GCSAML: variants seen among roughly 807,000 people sequenced by gnomAD.
The protein encoded by GCSAML is germinal center associated signaling and motility like, also known as germinal center-associated signaling and motility-like protein.
Under a neutral mutation model 13.0 loss-of-function variants are expected in GCSAML, and 9 were observed. That is an observed-to-expected ratio of 0.69 (90% CI 0.42 to 1.21). GCSAML has a LOEUF of 1.21. GCSAML is among the 50% of genes most tolerant of loss of function. GCSAML has a pLI of 0.00. For missense variants in GCSAML, 143 were observed against 153.4 expected (o/e 0.93, Z 0.36); for synonymous variants, 37 against 52.9 (o/e 0.70, Z 1.31).
At chr1:247,545,581 G>A (rs1424603715), upstream of GCSAML, among the ~76,000 whole-genome samples, 2 of 152,118 alleles carry the variant, frequency 1.3e-5, no homozygotes, top group East Asian at 1.9e-4. Context: ...ATCCTAACAG[G>A]TATGAGAGCC....
chr1:247,535,512 A>G (rs1264391828), intron 2 of GCSAML, among the ~76,000 whole-genome samples: 2 of 152,218 alleles, frequency 1.3e-5, no homozygotes, highest in South Asian at 4.1e-4. Flanking sequence ...GGTTAAACTG[A>G]CAACTGCATT....
rs145510242 is a variant in GCSAML, at chr1:247,524,692, G to C, written c.-262-2248G>C. 11 of 152,218 alleles carry C rather than the reference G, an allele frequency of 7.2e-5. No individual in the cohort carries two copies. In the East Asian group the frequency reaches 1.9e-3, roughly 27 times the overall value. 9.4% of individuals were successfully genotyped at this position (152,218 alleles called of 1,614,324 possible). A position where few individuals can be genotyped will look rare whatever the true frequency, so the allele number is the denominator to read the frequency against. On this transcript the variant is annotated intron_variant, in intron 1 of 5. Transcript: ENST00000366489. ...AACTAGAAGGCATAAAGGCATGATT[G>C]ATAGTTTATTTAATACATATAACAT...
At chr1:247,561,858 G>A (rs1341271048) in intron 2 of GCSAML, among the ~76,000 whole-genome samples, 2 of 152,070 alleles carry the variant, frequency 1.3e-5, no homozygotes, top group East Asian at 3.9e-4. Context: ...GGCTGTGACT[G>A]AACCAAACTG....
At chr1:247,514,368 T>C (rs2103300637) in intron 1 of GCSAML, among the ~76,000 whole-genome samples, 1 of 152,338 alleles carries the variant, frequency 6.6e-6, no homozygotes, top group South Asian at 2.1e-4. Flanking sequence ...AGATTTTAGA[T>C]ATTAGTCCTT....
At chr1:247,572,954 G>A (rs1002882730) in intron 4 of GCSAML, among the ~76,000 whole-genome samples, 2 of 152,148 alleles carry the variant, frequency 1.3e-5, no homozygotes, top group East Asian at 3.9e-4. Context: ...ATTCCCCTGC[G>A]GCTTTGTTTA....
chr1:247,511,422 A>C (rs1666032539), intron 1 of GCSAML, among the ~76,000 whole-genome samples: 1 of 151,902 alleles, frequency 6.6e-6, no homozygotes, highest in Non-Finnish European at 1.5e-5. Context: ...TGCACGTGAG[A>C]TGGGTCTCCT....
At chr1:247,519,476 A>G (rs1467446930) in intron 1 of GCSAML, 1 of 152,226 alleles carries the variant, frequency 6.6e-6, no homozygotes, top group African/African-American at 2.4e-5. Context: ...ACCCCTGTGC[A>G]GATGACACTG....
intron 2 of GCSAML, among the ~76,000 whole-genome samples, chr1:247,538,111 T>G (rs1005338013): frequency 5.9e-5 from 9 of 152,218 alleles, no homozygotes; most frequent in Non-Finnish European, 1.3e-4. Context: ...TTCTAAGAGT[T>G]TATAATTTTT....
intron 1 of GCSAML, among the ~76,000 whole-genome samples, chr1:247,517,979 C>A (rs2103305808): frequency 6.6e-6 from 1 of 152,322 alleles, no homozygotes; most frequent in East Asian, 1.9e-4. Context: ...CTGGCCGTGA[C>A]TGGCAACTGC....
chr1:247,542,295 A>T (rs1667442060), intron 2 of GCSAML, among the ~76,000 whole-genome samples: 1 of 152,224 alleles, frequency 6.6e-6, no homozygotes, highest in African/African-American at 2.4e-5. Context: ...TTTTAAAAAA[A>T]GGAAGAAAGA....
upstream of GCSAML, among the ~76,000 whole-genome samples, chr1:247,547,648 G>A (rs7556466): frequency 0.36 from 55,439 of 152,114 alleles, 11,765 homozygotes; most frequent in African/African-American, 0.59. Flanking sequence ...GATCTTGAGA[G>A]TTTGCATTTC....
chr1:247,558,999 C>T (rs1424209361), intron 2 of GCSAML, among the ~76,000 whole-genome samples: 1 of 152,116 alleles, frequency 6.6e-6, no homozygotes, highest in Non-Finnish European at 1.5e-5. Context: ...TACTTACATT[C>T]TCTAAATTTT....
In GCSAML at chr1:247,535,927, G is replaced by T. The variant is rs145001809; in HGVS notation, c.-148+8873G>T. 5.0e-4 allele frequency among the ~76,000 whole-genome samples: 76 copies of T among 152,340 alleles called. 1 individual carries two copies. Among genetic ancestry groups the T allele is most frequent in the African/African-American group, 1.8e-3 (75 of 41,578 alleles). On this transcript the variant is annotated intron_variant, in intron 2 of 5. Coordinates refer to the GCSAML transcript ENST00000366489. ...TTAAGACAAAGATAGCATACTGAAA[G>T]TTAAGGAAACGTCTTGAGTTCAAAT...
upstream of GCSAML, chr1:247,507,067 G>C (rs1665857338): frequency 6.6e-6 from 1 of 152,124 alleles, no homozygotes; most frequent in Non-Finnish European, 1.5e-5. Flanking sequence ...TTTTCCCTTT[G>C]ATACCCTCTG....
At chr1:247,557,339 C>A (rs1335839404) in intron 2 of GCSAML, among the ~76,000 whole-genome samples, 1 of 151,934 alleles carries the variant, frequency 6.6e-6, no homozygotes, top group Non-Finnish European at 1.5e-5. Context: ...TCAACCCTTG[C>A]AAGACACTCA....
rs187922366 is a variant in GCSAML at position 247,540,029 on chromosome 1, A to G, written c.-147-9016A>G. ...CAAAAACGCCAGGCTCTCACTTGCC[A>G]TGCTGCTTTTAGCTCTGCTGGTTCC... is the stretch of plus-strand genomic sequence containing the variant. On this transcript the variant is annotated intron_variant, in intron 2 of 5. Transcript: ENST00000366489. Among the ~76,000 whole-genome samples the G allele has an allele frequency of 7.9e-5, 12 of 152,154 alleles. No homozygotes were observed. The East Asian group carries it at 2.3e-3, about 29-fold the overall frequency.
At chr1:247,546,493 G>A (rs561166269), upstream of GCSAML, among the ~76,000 whole-genome samples, 9 of 152,104 alleles carry the variant, frequency 5.9e-5, no homozygotes, top group Non-Finnish European at 1.0e-4. Context: ...CGAGTAGCTG[G>A]GACTACAGGT....
intron 1 of GCSAML, among the ~76,000 whole-genome samples, chr1:247,509,281 G>A (rs1210079506): frequency 2.6e-5 from 4 of 152,140 alleles, no homozygotes; most frequent in Non-Finnish European, 5.9e-5. Context: ...GTGAATGGGA[G>A]TTCACTCATA....
intron 1 of GCSAML, among the ~76,000 whole-genome samples, chr1:247,510,165 T>C (rs1433909404): frequency 2.3e-4 from 35 of 152,358 alleles, no homozygotes; most frequent in Non-Finnish European, 2.1e-4. Context: ...CATTAATTAC[T>C]GCCTCAATTT....
Sources: gnomAD v4.1 joint callset for allele counts (sites outside exome capture counted in the v4.1 genomes callset) on GRCh38, gnomAD v4.1.1 for gene constraint, MANE v1.5 for transcripts, NCBI Gene and HGNC (gene_info 2026-07-23, HGNC 2026-07-21) for gene names.